The following MEIS2 variants were observed in gnomAD, a reference collection of about 807,000 sequenced individuals.
MEIS2 encodes the protein Meis homeobox 2.
A neutral mutation model predicts 58.6 loss-of-function variants in MEIS2; 9 were observed. The ratio of observed to expected loss-of-function variants is 0.15; its 90% confidence interval spans 0.09 to 0.27. MEIS2 has a LOEUF of 0.27. MEIS2 is among the 10% of genes least tolerant of loss of function. MEIS2 has a pLI of 1.00. For missense variants in MEIS2, 427 were observed against 635.0 expected (o/e 0.67, Z 3.52); for synonymous variants, 221 against 228.4 (o/e 0.97, Z 0.29).
chr15:37,021,944 T>C (rs761804863), intron 8 of MEIS2, among the ~76,000 whole-genome samples: 2 of 152,136 alleles, frequency 1.3e-5, no homozygotes, highest in African/African-American at 2.4e-5. Flanking sequence ...TATCTCAAAA[T>C]ACTTTTGGAA....
At chr15:37,003,127 G>A (rs1338386535) in intron 8 of MEIS2, among the ~76,000 whole-genome samples, 3 of 152,152 alleles carry the variant, frequency 2.0e-5, no homozygotes, top group Non-Finnish European at 2.9e-5. Flanking sequence ...CTGCTGCACA[G>A]TGAGACAGAA....
intron 8 of MEIS2, among the ~76,000 whole-genome samples, chr15:36,962,174 T>C (rs1045224718): frequency 6.6e-6 from 1 of 152,240 alleles, no homozygotes; most frequent in Non-Finnish European, 1.5e-5. Flanking sequence ...TGAATGATGG[T>C]CAAAACTCTC....
intron 9 of MEIS2, among the ~76,000 whole-genome samples, chr15:36,917,197 G>T (rs1024554768): frequency 6.6e-5 from 10 of 152,166 alleles, no homozygotes; most frequent in Non-Finnish European, 4.4e-5. Flanking sequence ...GTCAGATAGA[G>T]AAATTGAACC....
chr15:37,076,687 T>C (rs1415816357), intron 7 of MEIS2, among the ~76,000 whole-genome samples: 1 of 152,078 alleles, frequency 6.6e-6, no homozygotes, highest in African/African-American at 2.4e-5. Context: ...ACATTTGCAC[T>C]TAAATTTATC....
At chr15:36,980,809 T>C (rs1289508670) in intron 8 of MEIS2, among the ~76,000 whole-genome samples, 1 of 152,220 alleles carries the variant, frequency 6.6e-6, no homozygotes. Flanking sequence ...TAATTTTATG[T>C]AAATTTTGGT....
chr15:37,022,966 T>G (rs995370387), intron 8 of MEIS2, among the ~76,000 whole-genome samples: 1 of 152,220 alleles, frequency 6.6e-6, no homozygotes, highest in African/African-American at 2.4e-5. Flanking sequence ...GCTTCAATTT[T>G]TTTCTTACTG....
chr15:37,062,420 A>C (rs547372521), intron 7 of MEIS2, among the ~76,000 whole-genome samples: 1 of 152,240 alleles, frequency 6.6e-6, no homozygotes, highest in South Asian at 2.1e-4. Context: ...AAATCAATAA[A>C]GTTTTAGTTG....
chr15:36,993,165 T>A (rs2060359895), intron 8 of MEIS2, among the ~76,000 whole-genome samples: 1 of 152,128 alleles, frequency 6.6e-6, no homozygotes, highest in Admixed American at 6.5e-5. Context: ...AAACCAGAGG[T>A]AAGTGAATTA....
intron 9 of MEIS2, among the ~76,000 whole-genome samples, chr15:36,929,018 A>G (rs978011392): frequency 6.6e-6 from 1 of 152,258 alleles, no homozygotes. Flanking sequence ...TAAACATTTT[A>G]AATAAAAACA....
intron 8 of MEIS2, among the ~76,000 whole-genome samples, chr15:36,976,244 C>T (rs964482555): frequency 1.3e-5 from 2 of 151,868 alleles, no homozygotes; most frequent in Non-Finnish European, 2.9e-5. Context: ...ACCACCATGC[C>T]CAGCTAATTT....
chr15:37,033,073 A>C (rs1401885587), intron 8 of MEIS2, among the ~76,000 whole-genome samples: 1 of 152,146 alleles, frequency 6.6e-6, no homozygotes, highest in Non-Finnish European at 1.5e-5. Context: ...CTGAGGGTGA[A>C]TGATTTTTGT....
At chr15:36,931,886 G>A (rs1234500728) in intron 9 of MEIS2, among the ~76,000 whole-genome samples, 5 of 152,064 alleles carry the variant, frequency 3.3e-5, no homozygotes, top group Non-Finnish European at 7.4e-5. Flanking sequence ...CTATAGATAG[G>A]CGGACAGATA....
chr15:37,095,737 A>G, intron 3 of MEIS2, 123 bp from the exon 4 acceptor site: 1 of 1,372,706 alleles, frequency 7.3e-7, no homozygotes, highest in Non-Finnish European at 1.0e-6. Context: ...GCAAAATACA[A>G]GAAAGAAACT....
intron 7 of MEIS2, among the ~76,000 whole-genome samples, chr15:37,043,295 T>A (rs1327150766): frequency 1.3e-5 from 2 of 152,198 alleles, no homozygotes; most frequent in Non-Finnish European, 2.9e-5. Context: ...TTTCTGTCTC[T>A]TTTTGTAGCA....
chr15:37,029,631 G>A (rs1176573632), intron 8 of MEIS2, among the ~76,000 whole-genome samples: 6 of 152,046 alleles, frequency 3.9e-5, no homozygotes, highest in Non-Finnish European at 7.4e-5. Flanking sequence ...AGCTCTGAGC[G>A]GCTTCAAGCA....
intron 11 of MEIS2, chr15:36,894,294 G>A (rs2056050109): frequency 2.5e-5 from 4 of 158,176 alleles, no homozygotes; most frequent in Admixed American, 1.8e-4. Context: ...GGCATCAATC[G>A]TATTCTGACA....
chr15:37,071,778 C>T (rs547904735), intron 7 of MEIS2, among the ~76,000 whole-genome samples: 36 of 152,124 alleles, frequency 2.4e-4, no homozygotes, highest in Middle Eastern at 3.4e-3. Flanking sequence ...ACACTAGAGG[C>T]CATACCTTTA....
intron 8 of MEIS2, among the ~76,000 whole-genome samples, chr15:36,959,481 G>C (rs142714124): frequency 1.3e-5 from 2 of 152,064 alleles, no homozygotes; most frequent in Non-Finnish European, 2.9e-5. Flanking sequence ...CAATAAATAC[G>C]TGTTGAACTA....
At chr15:37,066,155 T>C (rs962066936) in intron 7 of MEIS2, 1 of 151,760 alleles carries the variant, frequency 6.6e-6, no homozygotes, top group Non-Finnish European at 1.5e-5. Flanking sequence ...ATTGGAAAAA[T>C]AAAAAAAATT....
Sources: gnomAD v4.1 joint callset for allele counts (sites outside exome capture counted in the v4.1 genomes callset) on GRCh38, gnomAD v4.1.1 for gene constraint, MANE v1.5 for transcripts, NCBI Gene and HGNC (gene_info 2026-07-23, HGNC 2026-07-21) for gene names.